The following PNPLA7 variants were observed in gnomAD, a reference collection of about 807,000 sequenced individuals.
PNPLA7 encodes the protein patatin like domain 7, lysophospholipase.
A neutral mutation model predicts 161.7 loss-of-function variants in PNPLA7; 153 were observed. The ratio of observed to expected loss-of-function variants is 0.95; its 90% CI spans 0.83 to 1.08. The LOEUF is 1.08. Ranked by LOEUF, PNPLA7 falls within the 50% of genes least tolerant of loss-of-function variation. The pLI is 0.00. For synonymous variants in PNPLA7, 809 were observed against 782.1 expected (o/e 1.03, Z -0.57); for missense variants, 1,739 against 1,856.6 (o/e 0.94, Z 1.16).
intron 8 of PNPLA7, 116 bp from the exon 9 acceptor site, chr9:137,522,973 C>T: frequency 7.1e-7 from 1 of 1,410,324 alleles, no homozygotes; most frequent in Non-Finnish European, 9.7e-7. Context: ...CACACGGCTC[C>T]ATTCTCCCTC....
chr9:137,485,552 G>A (rs12001096), intron 20 of PNPLA7, among the ~76,000 whole-genome samples: 29 of 152,224 alleles, frequency 1.9e-4, no homozygotes, highest in African/African-American at 6.8e-4. Context: ...ACCAATCGTC[G>A]CAGGGCTTTC....
chr9:137,517,138 C>T (rs1834633367), intron 11 of PNPLA7, among the ~76,000 whole-genome samples: 2 of 143,524 alleles, frequency 1.4e-5, no homozygotes, highest in Admixed American at 6.9e-5. Flanking sequence ...CACTCCATCC[C>T]CACTCACTCA....
Position 137,460,651 on chromosome 9 carries a change from G to T in PNPLA7, c.3928C>A (p.Gln1310Lys). 1 of 1,612,698 alleles carries T rather than the reference G, an allele frequency of 6.2e-7. No individual in the cohort carries two copies. The highest frequency in any genetic ancestry group is 8.5e-7 in the Non-Finnish European group (1 of 1,179,856). ...AYADFQSTSA[Q>K]QGSDLEDESS... ...CTCCTCACCAAGTCTGAGCCCTGCT[G>T]GGCTGAGGTGCTCTGGAAGTCTGCG... Residue 1310 changes from glutamine to lysine, a missense_variant, in exon 34 of 35, where the codon CAG (glutamine) becomes AAG (lysine). By Grantham distance (53) the Gln-to-Lys change is moderately conservative. Transcript: ENST00000406427.
chr9:137,460,345 G>T lies in PNPLA7; in HGVS notation c.*48C>A, dbSNP rs774764397. 10 of 1,563,642 alleles carry T rather than the reference G, an allele frequency of 6.4e-6. No homozygotes were observed. The highest frequency in any genetic ancestry group is 1.7e-5 in the Admixed American group (1 of 57,416). On this transcript the variant is annotated 3_prime_UTR_variant, in exon 35 of 35. Coordinates refer to ENST00000406427, the MANE Select transcript of PNPLA7 (RefSeq NM_001098537.3). ...GACTTGGCAGGAGCCTCAGCCTTGG[G>T]GACAGTCCCACGGAAGACGCTGCAT...
intron 26 of PNPLA7, among the ~76,000 whole-genome samples, chr9:137,465,158 A>G (rs1831404400): frequency 6.6e-6 from 1 of 152,192 alleles, no homozygotes. Flanking sequence ...ACGTGCTTAC[A>G]CCGTGTGATG....
chr9:137,498,037 A>G (rs1833158449), intron 17 of PNPLA7, 77 bp downstream of exon 17: 2 of 1,559,074 alleles, frequency 1.3e-6, no homozygotes, highest in Non-Finnish European at 1.7e-6. Flanking sequence ...TTTCCACGGT[A>G]ACCGTGCTTT....
Position 137,468,141 on chromosome 9 carries a change from A to C in PNPLA7, c.2883-668T>G, listed in dbSNP as rs1831560261. Among the ~76,000 whole-genome samples the C allele has an allele frequency of 6.6e-6, 1 of 151,952 alleles. No individual in the cohort carries two copies. Among genetic ancestry groups the C allele is most frequent in the African/African-American group, 2.4e-5 (1 of 41,358 alleles). ...TGAGGGGCAGCACCCCAGGAGTCAG[A>C]TGAGCTGGATGTAGACCAGCACCCA... On this transcript the variant is annotated intron_variant, in intron 25 of 34. Transcript: ENST00000406427. This position sits in a 1 kb window ranked among gnomAD's most constrained non-coding sequence, Gnocchi z 4.0.
At chr9:137,522,672 A>G in intron 9 of PNPLA7, 57 bp downstream of exon 9, 1 of 1,595,520 alleles carries the variant, frequency 6.3e-7, no homozygotes, top group South Asian at 1.1e-5. Flanking sequence ...ACCAGTGCCC[A>G]GGCCCCCCCA....
Position 137,461,366 on chromosome 9 carries a change from C to T in PNPLA7, c.3841+170G>A, listed in dbSNP as rs1310812842. On this transcript the variant is annotated intron_variant, in intron 33 of 34. Coordinates refer to ENST00000406427, the MANE Select transcript of PNPLA7 (RefSeq NM_001098537.3). ...TCACAGTCCCACTGCTGTGGGAACA[C>T]GTGGTGCCCGGGACGGAGGAGTGCC... The T allele has an allele frequency of 2.4e-5, 16 of 667,572 alleles. No individual in the cohort carries two copies. The East Asian group carries it at 4.4e-4, about 18-fold the overall frequency. The allele number at this position is 667,572 out of a possible 1,614,324, so 41.4% of individuals were successfully genotyped here.
chr9:137,522,310 G>A lies in PNPLA7; in HGVS notation c.876+419C>T, dbSNP rs180780445. On this transcript the variant is annotated intron_variant, in intron 9 of 34. Transcript: ENST00000406427. Reference sequence around the variant, plus strand: ...AGGATGGTCTCGATCTCCTGACCTCGTGATCCGCCCACCTCGGCCTCCCAC... The same window carrying A: ...AGGATGGTCTCGATCTCCTGACCTCATGATCCGCCCACCTCGGCCTCCCAC... 1.2e-3 allele frequency among the ~76,000 whole-genome samples: 180 copies of A among 151,650 alleles called. 2 individuals carry two copies. The highest frequency in any genetic ancestry group is 0.012 in the East Asian group (60 of 5,128).
chr9:137,514,215 C>T (rs1423435748), intron 12 of PNPLA7, among the ~76,000 whole-genome samples: 1 of 122,054 alleles, frequency 8.2e-6, no homozygotes, highest in African/African-American at 3.2e-5. Flanking sequence ...GCGGGTCACT[C>T]GGATGTTGAT....
At chr9:137,544,553 T>C (rs1050669581) in intron 4 of PNPLA7, among the ~76,000 whole-genome samples, 1 of 152,228 alleles carries the variant, frequency 6.6e-6, no homozygotes, top group Non-Finnish European at 1.5e-5. Flanking sequence ...CATCTGCCCT[T>C]TCACAGCACT....
At chr9:137,492,307 C>A in intron 20 of PNPLA7, 1 of 985,150 alleles carries the variant, frequency 1.0e-6, no homozygotes, top group Non-Finnish European at 1.2e-6. Flanking sequence ...AGGTTTCACC[C>A]TGTTTCCTTT....
intron 14 of PNPLA7, among the ~76,000 whole-genome samples, chr9:137,503,558 GAA>G: frequency 1.5e-5 from 2 of 133,404 alleles, no homozygotes; most frequent in Non-Finnish European, 3.3e-5. Context: ...GGAGGAGGGA[GAA>G]GGAGGAGGAA....
chr9:137,494,671 T>TCCGC (rs1832947076), intron 19 of PNPLA7, among the ~76,000 whole-genome samples: 4 of 138,042 alleles, frequency 2.9e-5, no homozygotes, highest in Non-Finnish European at 4.6e-5. Context: ...ACCTGTGCCC[T>TCCGC]GCCCTCACCT....
In PNPLA7 at chr9:137,480,545, C is replaced by T. The variant is rs1237797311; in HGVS notation, c.2412-65G>A. On this transcript the variant is annotated intron_variant, in intron 22 of 34. Transcript: ENST00000406427. ...GCCTGGCACTCTTAGCACATGTCCC[C>T]GGGGCAAAGAGGCAGCAGAGGCCAG... 7.2e-5 allele frequency: 109 copies of T among 1,520,884 alleles called. 1 individual carries two copies. Among genetic ancestry groups the T allele is most frequent in the South Asian group, 1.4e-4 (11 of 78,290 alleles). The allele number at this position is 1,520,884 out of a possible 1,614,324, so 94.2% of individuals were successfully genotyped here. A position where few individuals can be genotyped will look rare whatever the true frequency, so the allele number is the denominator to read the frequency against.
intron 25 of PNPLA7, among the ~76,000 whole-genome samples, chr9:137,474,964 GGAGCC>G (rs139431316): frequency 0.064 from 9,221 of 143,080 alleles, 1,089 homozygotes; most frequent in African/African-American, 0.23. Context: ...GAGCTTGCAG[GGAGCC>G]GAGCCGAGAT....
intron 9 of PNPLA7, among the ~76,000 whole-genome samples, chr9:137,522,048 T>C (rs151150439): frequency 0.015 from 2,221 of 152,328 alleles, 28 homozygotes; most frequent in South Asian, 0.058. Context: ...TTTGAGATTG[T>C]GAACATTCAT....
In PNPLA7 at chr9:137,547,656, C is replaced by A; in HGVS notation, c.34G>T (p.Asp12Tyr). 1.2e-6 allele frequency: 2 copies of A among 1,612,928 alleles called. No homozygotes were observed. The highest frequency in any genetic ancestry group is 4.5e-5 in the East Asian group (2 of 44,880). Residue 12 changes from aspartate to tyrosine, a missense_variant, in exon 2 of 35, where the codon GAC becomes TAC. By Grantham distance (160) the Asp-to-Tyr change is radical. Coordinates refer to ENST00000406427, the MANE Select transcript of PNPLA7 (RefSeq NM_001098537.3). The surrounding 1 kb of genome is among the most constrained non-coding windows in gnomAD (Gnocchi z 4.6). Reference sequence around the variant, plus strand: ...TGCAGGGCGGTGCCCAGGCAGAAGTCAGCCTGCAGCAGAGAGCATGGGGTC... The same window carrying A: ...TGCAGGGCGGTGCCCAGGCAGAAGTAAGCCTGCAGCAGAGAGCATGGGGTC... ...EEEKDDSPQA[D>Y]FCLGTALHSW...
Sources: allele counts gnomAD v4.1 joint callset (sites outside exome capture counted in the v4.1 genomes callset), GRCh38; gene constraint gnomAD v4.1.1; non-coding constraint Gnocchi (gnomAD v3.1); transcripts MANE v1.5; gene names NCBI Gene and HGNC (gene_info 2026-07-23, HGNC 2026-07-21).